TEAD1: variants seen among roughly 807,000 people sequenced by gnomAD.
TEAD1 encodes transcriptional enhancer factor TEF-1.
Under a neutral mutation model 54.9 loss-of-function variants are expected in TEAD1, and 9 were observed. The observed-to-expected ratio is 0.16, with a 90% CI of 0.10 to 0.29. The LOEUF is 0.29. Ranked by LOEUF, TEAD1 falls within the 10% of genes least tolerant of loss-of-function variation. TEAD1 has a pLI of 1.00. For synonymous variants in TEAD1, 200 were observed against 187.8 expected, an observed-to-expected ratio of 1.07 and a Z score of -0.53; for missense variants, 387 against 535.9, an observed-to-expected ratio of 0.72 and a Z score of 2.74.
intron 10 of TEAD1, among the ~76,000 whole-genome samples, chr11:12,914,651 G>A (rs888365535): frequency 9.2e-5 from 14 of 152,358 alleles, no homozygotes; most frequent in African/African-American, 3.4e-4. Context: ...CAAATGAGAG[G>A]GCGAGGAGCC....
intron 2 of TEAD1, among the ~76,000 whole-genome samples, chr11:12,748,118 C>T (rs997452531): frequency 6.6e-6 from 1 of 152,086 alleles, no homozygotes; most frequent in Non-Finnish European, 1.5e-5. Flanking sequence ...CCCGTCACCA[C>T]GCCCGGCTAA....
In TEAD1 at chr11:12,925,025, T is replaced by C; in HGVS notation, c.987T>C (p.Phe329=). Residue 329 remains phenylalanine, a synonymous_variant, in exon 11 of 13, where the codon TTT becomes TTC. Transcript: ENST00000527636. ...CCTGTTCCACCAAAGTTTGCTCCTT[T>C]GGGAAGCAAGTAGTAGAAAAAGTAG... 6.2e-7 allele frequency: 1 copy of C among 1,614,178 alleles called. No homozygotes were observed. The highest frequency in any genetic ancestry group is 8.5e-7 in the Non-Finnish European group (1 of 1,180,042).
intron 12 of TEAD1, among the ~76,000 whole-genome samples, chr11:12,933,096 C>T (rs989756755): frequency 2.0e-5 from 3 of 152,118 alleles, no homozygotes; most frequent in Admixed American, 6.6e-5. Context: ...GCTGTTGGTT[C>T]GCATGACAAA....
chr11:12,858,315 G>C (rs189708859), intron 3 of TEAD1, among the ~76,000 whole-genome samples: 3 of 152,124 alleles, frequency 2.0e-5, no homozygotes, highest in African/African-American at 7.2e-5. Flanking sequence ...TAAAATTTTA[G>C]TAGAATTAGA....
chr11:12,742,131 A>T (rs1429353988), intron 2 of TEAD1, among the ~76,000 whole-genome samples: 2 of 152,164 alleles, frequency 1.3e-5, no homozygotes, highest in Non-Finnish European at 2.9e-5. Context: ...GAGGTCTTGT[A>T]GCTATTCTTT....
intron 3 of TEAD1, among the ~76,000 whole-genome samples, chr11:12,807,005 A>G (rs938958314): frequency 5.9e-5 from 9 of 152,312 alleles, no homozygotes; most frequent in African/African-American, 9.6e-5. Flanking sequence ...ATGTGATCCA[A>G]TTTTCTGGGG....
intron 2 of TEAD1, among the ~76,000 whole-genome samples, chr11:12,736,017 C>T (rs577695386): frequency 3.1e-4 from 47 of 152,308 alleles, no homozygotes; most frequent in South Asian, 6.2e-4. Flanking sequence ...TATCCTCCAG[C>T]TAGACATCTA....
At chr11:12,869,677 GT>G (rs762925193) in intron 5 of TEAD1, among the ~76,000 whole-genome samples, 65 of 151,884 alleles carry the variant, frequency 4.3e-4, no homozygotes, top group Middle Eastern at 3.4e-3. Flanking sequence ...CATTATATAA[GT>G]TTTTTTTAAT....
intron 3 of TEAD1, among the ~76,000 whole-genome samples, chr11:12,806,303 T>C (rs1020693645): frequency 1.3e-5 from 2 of 152,232 alleles, no homozygotes; most frequent in African/African-American, 4.8e-5. Context: ...TTCCTCCTGC[T>C]AACAGCTGTT....
At position 12,944,483 on chromosome 11, in the gene TEAD1, T is replaced by TAA. The variant is rs35360705; in HGVS notation, c.*7273_*7274dup. The TAA allele has an allele frequency of 3.0e-3, 448 of 148,198 alleles. 1 individual carries two copies. Among genetic ancestry groups the TAA allele is most frequent in the African/African-American group, 4.6e-3 (185 of 40,454 alleles). The allele number at this position is 148,198 out of a possible 1,614,324, so 9.2% of individuals were successfully genotyped here. A position where few individuals can be genotyped will look rare whatever the true frequency, so the allele number is the denominator to read the frequency against. The stretch of plus-strand genomic sequence containing the variant: ...GAGAATTTTTTTATAAAGTGCTTTG[T>TAA]AAAAAAAAAAAAATGTATTCTAGCT... On this transcript the variant is annotated 3_prime_UTR_variant, in exon 13 of 13. Coordinates refer to ENST00000527636, the MANE Select transcript of TEAD1 (RefSeq NM_021961.6).
chr11:12,852,109 A>G (rs1947286721), intron 3 of TEAD1, among the ~76,000 whole-genome samples: 1 of 152,198 alleles, frequency 6.6e-6, no homozygotes, highest in Non-Finnish European at 1.5e-5. Context: ...ACATGTAAGG[A>G]TAGGTGGTTC....
chr11:12,837,592 C>T (rs993785175), intron 3 of TEAD1, among the ~76,000 whole-genome samples: 18 of 152,100 alleles, frequency 1.2e-4, no homozygotes, highest in African/African-American at 1.9e-4. Flanking sequence ...TGTAGATGGC[C>T]GTCTTCTCAT....
At chr11:12,698,464 C>CTCAG (rs1238278774) in intron 2 of TEAD1, among the ~76,000 whole-genome samples, 1 of 151,484 alleles carries the variant, frequency 6.6e-6, no homozygotes, top group Non-Finnish European at 1.5e-5. Flanking sequence ...CAGGAAGGGA[C>CTCAG]TCAGATGTGG....
At position 12,879,800 on chromosome 11, in the gene TEAD1, G is replaced by T. The variant is rs376738111; in HGVS notation, c.423G>T (p.Gly141=). ...CCACTGCCATTCATAACAAGCTGGGGCTGCCTGGGATTCCACGCCCGACCT... is the reference window on the plus strand; with the variant it reads ...CCACTGCCATTCATAACAAGCTGGGTCTGCCTGGGATTCCACGCCCGACCT... Residue 141 remains glycine, a synonymous_variant, in exon 6 of 13, where the codon GGG becomes GGT. Coordinates refer to ENST00000527636, the MANE Select transcript of TEAD1 (RefSeq NM_021961.6). 6.8e-6 allele frequency: 11 copies of T among 1,613,980 alleles called. No homozygotes were observed. The Admixed American group carries it at 1.8e-4, about 27-fold the overall frequency.
intron 3 of TEAD1, among the ~76,000 whole-genome samples, chr11:12,804,444 C>T (rs972437795): frequency 1.3e-5 from 2 of 152,200 alleles, no homozygotes; most frequent in Admixed American, 1.3e-4. Flanking sequence ...GACCTTTGAT[C>T]TGCTTTTTAA....
At chr11:12,846,009 C>T (rs992724787) in intron 3 of TEAD1, among the ~76,000 whole-genome samples, 1 of 152,200 alleles carries the variant, frequency 6.6e-6, no homozygotes, top group Admixed American at 6.5e-5. Flanking sequence ...CTTTGATCTG[C>T]GAATCAGGCC....
intron 3 of TEAD1, among the ~76,000 whole-genome samples, chr11:12,802,979 T>C (rs1362294534): frequency 1.3e-5 from 2 of 152,088 alleles, no homozygotes; most frequent in African/African-American, 4.8e-5. Flanking sequence ...GGGAAGTGAA[T>C]TGTCAAGATA....
chr11:12,874,547 A>G (rs1049768267), intron 5 of TEAD1, among the ~76,000 whole-genome samples: 1 of 152,226 alleles, frequency 6.6e-6, no homozygotes, highest in African/African-American at 2.4e-5. Flanking sequence ...ACTTAGAACA[A>G]TAACAATTTG....
chr11:12,764,468 C>A (rs1323470199), intron 3 of TEAD1, 34 bp downstream of exon 3: 4 of 1,609,292 alleles, frequency 2.5e-6, no homozygotes, highest in East Asian at 2.2e-5. Flanking sequence ...TGAAATACTA[C>A]AACCTGCAGT....
Sources: allele counts gnomAD v4.1 joint callset (sites outside exome capture counted in the v4.1 genomes callset), GRCh38; gene constraint gnomAD v4.1.1; transcripts MANE v1.5; gene names NCBI Gene and HGNC (gene_info 2026-07-23, HGNC 2026-07-21).